The following PRH1 variants were observed in gnomAD, a reference collection of about 807,000 sequenced individuals.
PRH1 encodes the protein salivary acidic proline-rich phosphoprotein 1/2.
PRH1 carries 7 observed loss-of-function variants against 7.9 expected under a neutral mutation model. The observed-to-expected ratio is 0.89, with a 90% confidence interval of 0.50 to 1.67. The LOEUF (loss-of-function observed/expected upper bound fraction) is 1.67. PRH1 is among the 40% of genes most tolerant of loss of function. The pLI is 0.00. For synonymous variants in PRH1, 45 were observed against 80.8 expected (o/e 0.56, Z 2.38); for missense variants, 109 against 223.6 (o/e 0.49, Z 3.27).
In PRH1 at chr12:11,086,384, G is replaced by C. The variant is rs1264073666; in HGVS notation, n.124-39196C>G. Among the ~76,000 whole-genome samples, 9 of 118,342 alleles carry C rather than the reference G, an allele frequency of 7.6e-5. 2 individuals are homozygous for C. Among genetic ancestry groups the C allele is most frequent in the Non-Finnish European group, 1.8e-4 (9 of 49,592 alleles). The allele number at this position is 118,342 out of a possible 152,430, so 77.6% of individuals were successfully genotyped here. On this transcript the variant is annotated intron_variant and non_coding_transcript_variant, in intron 1 of 4. Transcript: ENST00000541977. ...ACACTTCTCTGTGTATGAATATTCA[G>C]GTTTATTTTTCCCTATTTAATTTAT... is the stretch of plus-strand genomic sequence containing the variant.
chr12:10,959,199 G>T (rs1407449844), intron 2 of PRH1, among the ~76,000 whole-genome samples: 1 of 152,130 alleles, frequency 6.6e-6, no homozygotes, highest in East Asian at 1.9e-4. Context: ...AAAGTCTGAA[G>T]TGGTCATTAG....
intron 1 of PRH1, among the ~76,000 whole-genome samples, chr12:10,976,317 T>C (rs1303439175): frequency 6.6e-6 from 1 of 152,194 alleles, no homozygotes; most frequent in South Asian, 2.1e-4. Context: ...CTCTCCTGAA[T>C]GAATTTTGGG....
chr12:10,933,589 G>C (rs887370808), intron 2 of PRH1, among the ~76,000 whole-genome samples: 1 of 151,874 alleles, frequency 6.6e-6, no homozygotes. Flanking sequence ...GGATAATGAA[G>C]TCAGCAGAGG....
intron 1 of PRH1, among the ~76,000 whole-genome samples, chr12:11,130,627 TG>T (rs562519719): frequency 1.3e-3 from 137 of 105,482 alleles, no homozygotes; most frequent in African/African-American, 3.9e-3. Flanking sequence ...GCATGCATAG[TG>T]GGCATTATAG....
chr12:10,952,405 T>C (rs1415423077), intron 2 of PRH1, among the ~76,000 whole-genome samples: 1 of 152,162 alleles, frequency 6.6e-6, no homozygotes, highest in Non-Finnish European at 1.5e-5. Context: ...ACAGAAAGCT[T>C]TTTCTGCAGA....
chr12:11,049,170 TAGAGC>T (rs1943034071), upstream of PRH1: 3 of 1,098,078 alleles, frequency 2.7e-6, no homozygotes, highest in Non-Finnish European at 3.6e-6. Flanking sequence ...GGACACCTAC[TAGAGC>T]TATGAAGCCA....
At chr12:11,158,344 T>A (rs1458151816) in intron 1 of PRH1, among the ~76,000 whole-genome samples, 1 of 152,186 alleles carries the variant, frequency 6.6e-6, no homozygotes, top group Non-Finnish European at 1.5e-5. Flanking sequence ...TACACTGATA[T>A]ATATTATGCT....
intron 1 of PRH1, chr12:11,035,020 G>C (rs1259055838): frequency 1.3e-5 from 2 of 151,802 alleles, no homozygotes; most frequent in Non-Finnish European, 2.9e-5. Flanking sequence ...TTGAACTCTA[G>C]CTTTATTTTT....
rs1250248533 is a variant in PRH1, at chr12:11,075,434, T to C, written n.124-28246A>G. 7.2e-5 allele frequency among the ~76,000 whole-genome samples: 8 copies of C among 111,520 alleles called. 3 individuals carry two copies. The highest frequency in any genetic ancestry group is 1.8e-4 in the Admixed American group (2 of 10,980). 73.2% of individuals were successfully genotyped at this position (111,520 alleles called of 152,430 possible). On this transcript the variant is annotated intron_variant and non_coding_transcript_variant, in intron 1 of 4. Transcript: ENST00000541977. ...TCACTTCTTTTGTATCAGCAAAGCA[T>C]TGAAGGCAGCATAAGTCATACTGAG...
At chr12:11,045,670 T>A (rs1333138708) in intron 1 of PRH1, among the ~76,000 whole-genome samples, 1 of 152,072 alleles carries the variant, frequency 6.6e-6, no homozygotes, top group East Asian at 1.9e-4. Flanking sequence ...CCAAAAAATG[T>A]AAAATTATGC....
chr12:11,050,947 A>C (rs766004139), upstream of PRH1, among the ~76,000 whole-genome samples: 12 of 152,280 alleles, frequency 7.9e-5, no homozygotes, highest in Non-Finnish European at 1.3e-4. Flanking sequence ...ATCCAGCCTA[A>C]ATCAGCCAAA....
chr12:11,095,615 A>G lies in PRH1; in HGVS notation n.124-48427T>C, dbSNP rs1407439877. Among the ~76,000 whole-genome samples the G allele has an allele frequency of 1.8e-5, 2 of 109,414 alleles. 1 individual carries two copies. Among genetic ancestry groups the G allele is most frequent in the Admixed American group, 1.9e-4 (2 of 10,726 alleles). 71.8% of individuals were successfully genotyped at this position (109,414 alleles called of 152,430 possible). On this transcript the variant is annotated intron_variant and non_coding_transcript_variant, in intron 1 of 4. Transcript: ENST00000541977. ...TAAGGCTGGGGCAGGAGCACCCAGG[A>G]GTTCAAGACCAGCCTGTGCAACACA...
chr12:11,062,628 G>A (rs868220798), intron 1 of PRH1, among the ~76,000 whole-genome samples: 16 of 152,046 alleles, frequency 1.1e-4, no homozygotes, highest in African/African-American at 3.9e-4. Context: ...TGCAAACAAG[G>A]ACATATTCAC....
chr12:10,936,910 G>T (rs761579628), intron 2 of PRH1, among the ~76,000 whole-genome samples: 4 of 152,044 alleles, frequency 2.6e-5, no homozygotes, highest in Non-Finnish European at 2.9e-5. Flanking sequence ...TTGGTTATTA[G>T]CATTTTCAGT....
chr12:11,039,786 T>A (rs1942628103), intron 1 of PRH1, among the ~76,000 whole-genome samples: 1 of 152,246 alleles, frequency 6.6e-6, no homozygotes, highest in Non-Finnish European at 1.5e-5. Flanking sequence ...TTTGTATAAC[T>A]TATTGTTTAC....
intron 2 of PRH1, among the ~76,000 whole-genome samples, chr12:10,942,331 T>C (rs1335877632): frequency 6.6e-6 from 1 of 152,102 alleles, no homozygotes; most frequent in East Asian, 1.9e-4. Context: ...GGTAGGGAAG[T>C]ACCATCAGGT....
chr12:11,160,046 T>C (rs1947366961), intron 1 of PRH1, among the ~76,000 whole-genome samples: 2 of 152,198 alleles, frequency 1.3e-5, no homozygotes, highest in South Asian at 4.1e-4. Context: ...AGAAGCGAAG[T>C]CGAGTATGTA....
intron 1 of PRH1, among the ~76,000 whole-genome samples, chr12:11,068,972 G>A (rs58271062): frequency 0.56 from 65,527 of 116,332 alleles, 15,187 homozygotes; most frequent in Non-Finnish European, 0.65. Flanking sequence ...CAGTGGTTTC[G>A]GATTGGCTCA....
At chr12:10,896,588 C>G (rs927754271) in intron 2 of PRH1, among the ~76,000 whole-genome samples, 4 of 151,834 alleles carry the variant, frequency 2.6e-5, no homozygotes, top group Non-Finnish European at 4.4e-5. Flanking sequence ...ATGGTGAAAC[C>G]CTGTCTCTAC....
Sources: allele counts gnomAD v4.1 joint callset (sites outside exome capture counted in the v4.1 genomes callset), GRCh38; gene constraint gnomAD v4.1.1; transcripts MANE v1.5; gene names NCBI Gene and HGNC (gene_info 2026-07-23, HGNC 2026-07-21).